Variants in ATP2A2 observed in about 807,000 individuals in gnomAD.
ATP2A2 encodes ATPase sarcoplasmic/endoplasmic reticulum Ca2+ transporting 2.
Under a neutral mutation model 109.3 loss-of-function variants are expected in ATP2A2, and 14 were observed. The ratio of observed to expected loss-of-function variants is 0.13; its 90% CI spans 0.08 to 0.20. The LOEUF is 0.20. Among genes scored for constraint, ATP2A2 ranks in the 10% least tolerant of loss-of-function variants. ATP2A2 has a pLI of 1.00. For missense variants in ATP2A2, 657 were observed against 1,321.6 expected, an observed-to-expected ratio of 0.50 and a Z score of 7.80; for synonymous variants, 506 against 490.9, an observed-to-expected ratio of 1.03 and a Z score of -0.41.
chr12:110,333,947 T>C (rs1878586142), intron 10 of ATP2A2, 65 bp from the exon 11 acceptor site: 3 of 1,604,068 alleles, frequency 1.9e-6, no homozygotes, highest in African/African-American at 1.3e-5. Context: ...AAAAAAAATA[T>C]TAAAGATAAA....
intron 5 of ATP2A2, among the ~76,000 whole-genome samples, chr12:110,317,363 A>T (rs1876774683): frequency 6.6e-6 from 1 of 152,166 alleles, no homozygotes; most frequent in Non-Finnish European, 1.5e-5. Context: ...TGCATAATAC[A>T]ATTGATTAAT....
chr12:110,299,612 C>G (rs114311912), intron 5 of ATP2A2, among the ~76,000 whole-genome samples: 1 of 152,116 alleles, frequency 6.6e-6, no homozygotes, highest in Non-Finnish European at 1.5e-5. Context: ...AGTTACAAAA[C>G]AGCAGATTTG....
Position 110,347,338 on chromosome 12 carries a change from T to TTAAC in ATP2A2, c.*870_*873dup. The TTAAC allele has an allele frequency of 7.8e-7, 1 of 1,286,528 alleles. No homozygotes were observed. Among genetic ancestry groups the TTAAC allele is most frequent in the Non-Finnish European group, 1.0e-6 (1 of 986,698 alleles). 79.7% of individuals were successfully genotyped at this position (1,286,528 alleles called of 1,614,324 possible). On this transcript the variant is annotated 3_prime_UTR_variant, in exon 20 of 20. Coordinates refer to ENST00000539276, the MANE Select transcript of ATP2A2 (RefSeq NM_170665.4). The stretch of plus-strand genomic sequence containing the variant: ...ACAGAGAAAAATAACTGTCTTGTCT[T>TTAAC]TAACTCGTAAGTGGCTTACCTGGGA...
At chr12:110,281,968 C>A (rs751446073) in intron 1 of ATP2A2, 61 bp downstream of exon 1, 4 of 1,372,642 alleles carry the variant, frequency 2.9e-6, no homozygotes, top group Non-Finnish European at 3.0e-6. Flanking sequence ...GGGAAGATGG[C>A]TGACCGGGCT....
chr12:110,337,689 C>G (rs1195108898), intron 11 of ATP2A2, among the ~76,000 whole-genome samples: 1 of 152,110 alleles, frequency 6.6e-6, no homozygotes, highest in East Asian at 1.9e-4. Context: ...TCAGTGGGAG[C>G]AAATATAATT....
At chr12:110,310,073 T>G (rs1188844273) in intron 5 of ATP2A2, among the ~76,000 whole-genome samples, 1 of 152,164 alleles carries the variant, frequency 6.6e-6, no homozygotes, top group Non-Finnish European at 1.5e-5. Context: ...GTTTTTAAGC[T>G]TTCTGTATTA....
At chr12:110,326,279 T>C in intron 6 of ATP2A2, 111 bp from the exon 7 acceptor site, 1 of 1,039,398 alleles carries the variant, frequency 9.6e-7, no homozygotes, top group Non-Finnish European at 1.5e-6. Flanking sequence ...GCCAACCTTT[T>C]CTCACACTAA....
intron 5 of ATP2A2, among the ~76,000 whole-genome samples, chr12:110,310,391 G>T (rs1875895584): frequency 6.6e-6 from 1 of 152,148 alleles, no homozygotes; most frequent in Admixed American, 6.6e-5. Flanking sequence ...CTCCCAAAGT[G>T]CTGGGATTAC....
At position 110,350,208 on chromosome 12, in the gene ATP2A2, T is replaced by C. The variant is rs1180118049; in HGVS notation, c.*3738T>C. 1 of 1,613,420 alleles carries C rather than the reference T, an allele frequency of 6.2e-7. No homozygotes were observed. Among genetic ancestry groups the C allele is most frequent in the Non-Finnish European group, 8.5e-7 (1 of 1,179,824 alleles). Reference sequence around the variant, plus strand: ...GAATGTTCCTTTTCATCTGTCGCTGTTGATCTTCATCTATTTAAATAGGTA... The same window carrying C: ...GAATGTTCCTTTTCATCTGTCGCTGCTGATCTTCATCTATTTAAATAGGTA... On this transcript the variant is annotated 3_prime_UTR_variant, in exon 20 of 20. Transcript: ENST00000539276.
intron 16 of ATP2A2, among the ~76,000 whole-genome samples, 166 bp from the exon 17 acceptor site, chr12:110,344,720 G>C (rs1879676603): frequency 6.6e-6 from 1 of 152,184 alleles, no homozygotes; most frequent in Non-Finnish European, 1.5e-5. Flanking sequence ...GGGTCTAGTT[G>C]CTCTGGCTAC....
At position 110,337,439 on chromosome 12, in the gene ATP2A2, A is replaced by G. The variant is rs368242543; in HGVS notation, c.1420-1842A>G. Among the ~76,000 whole-genome samples the G allele has an allele frequency of 7.2e-5, 11 of 152,330 alleles. No homozygotes were observed. In the East Asian group the frequency reaches 1.9e-3, roughly 27 times the overall value. ...GTGTTCCTTTAGTCATCCCAGTGCC[A>G]TTGGCGCAAATGCTTAATTGAAACT... On this transcript the variant is annotated intron_variant, in intron 11 of 19. Transcript: ENST00000539276.
chr12:110,333,363 T>C, intron 10 of ATP2A2, 80 bp downstream of exon 10: 2 of 1,315,330 alleles, frequency 1.5e-6, no homozygotes, highest in Non-Finnish European at 2.2e-6. Flanking sequence ...CTAGCCTGCC[T>C]TCCTCCCTTT....
intron 5 of ATP2A2, among the ~76,000 whole-genome samples, chr12:110,312,665 C>G (rs79484477): frequency 8.0e-4 from 121 of 152,094 alleles, no homozygotes; most frequent in African/African-American, 2.8e-3. Context: ...GCCTGGCCAA[C>G]ACTGTGAAAT....
chr12:110,301,257 G>T (rs1219388212), intron 5 of ATP2A2, among the ~76,000 whole-genome samples: 1 of 152,140 alleles, frequency 6.6e-6, no homozygotes, highest in Admixed American at 6.5e-5. Flanking sequence ...TCAGTAGATG[G>T]CAATGGTAGA....
At chr12:110,338,921 C>T (rs1236760305) in intron 11 of ATP2A2, among the ~76,000 whole-genome samples, 3 of 152,186 alleles carry the variant, frequency 2.0e-5, no homozygotes, top group Non-Finnish European at 2.9e-5. Context: ...GTTGCACTTC[C>T]GTTCTCTGCC....
intron 11 of ATP2A2, among the ~76,000 whole-genome samples, chr12:110,336,550 C>G (rs1029338305): frequency 9.2e-5 from 14 of 152,096 alleles, no homozygotes; most frequent in African/African-American, 3.4e-4. Context: ...CACAAAATCT[C>G]AGGGTGAAAA....
intron 3 of ATP2A2, 27 bp downstream of exon 3, chr12:110,282,822 T>C (rs763118340): frequency 4.4e-5 from 69 of 1,571,708 alleles, no homozygotes; most frequent in Non-Finnish European, 5.4e-5. Flanking sequence ...TTATTTTCTT[T>C]CCCCCCAAAA....
rs1393338644 is a variant in ATP2A2, at chr12:110,316,284, C to CTAAA, written c.464-6707_464-6704dup. 5.9e-5 allele frequency among the ~76,000 whole-genome samples: 9 copies of CTAAA among 152,286 alleles called. No homozygotes were observed. The East Asian group carries it at 1.5e-3, about 26-fold the overall frequency. On this transcript the variant is annotated intron_variant, in intron 5 of 19. Transcript: ENST00000539276. ...TTGGCAGTCTTAATTACTCTACCAGCTAAAACTACAGTCTTTCTTAGGTGT... is the reference window on the plus strand; with the variant it reads ...TTGGCAGTCTTAATTACTCTACCAGCTAAATAAAACTACAGTCTTTCTTAGGTGT...
rs201428456 is a variant in ATP2A2, at chr12:110,328,740, AT to A, written c.1095+732del. Among the ~76,000 whole-genome samples, 697 of 150,940 alleles carry A rather than the reference AT, an allele frequency of 4.6e-3. 2 individuals are homozygous for A. The highest frequency in any genetic ancestry group is 0.014 in the Middle Eastern group (4 of 290). On this transcript the variant is annotated intron_variant, in intron 8 of 19. Coordinates refer to ENST00000539276, the MANE Select transcript of ATP2A2 (RefSeq NM_170665.4). Reference sequence around the variant, plus strand: ...GCCACCATGCCCCACTAGTTTTTTTATTTTTTTTTGTAGAGGCAGGTTCTCA... The same window carrying A: ...GCCACCATGCCCCACTAGTTTTTTTATTTTTTTTGTAGAGGCAGGTTCTCA...
Sources: allele counts gnomAD v4.1 joint callset (sites outside exome capture counted in the v4.1 genomes callset), GRCh38; gene constraint gnomAD v4.1.1; transcripts MANE v1.5; gene names NCBI Gene and HGNC (gene_info 2026-07-23, HGNC 2026-07-21).